Variants in IGSF11 observed in about 807,000 individuals in gnomAD.
The protein encoded by IGSF11 is CXADR like 1.
IGSF11 carries 22 observed loss-of-function variants against 41.0 expected under a neutral mutation model. The ratio of observed to expected loss-of-function variants is 0.54; its 90% confidence interval spans 0.38 to 0.77. IGSF11 has a LOEUF of 0.77. Ranked by LOEUF, IGSF11 falls within the 30% of genes least tolerant of loss-of-function variation. The pLI, the probability that IGSF11 is intolerant of heterozygous loss-of-function variation, is 0.00. For missense variants in IGSF11, 444 were observed against 530.8 expected, an observed-to-expected ratio of 0.84 and a Z score of 1.61; for synonymous variants, 219 against 201.3, an observed-to-expected ratio of 1.09 and a Z score of -0.74.
chr3:119,058,481 C>G (rs1708876068), intron 1 of IGSF11, among the ~76,000 whole-genome samples: 1 of 151,418 alleles, frequency 6.6e-6, no homozygotes, highest in African/African-American at 2.4e-5. Flanking sequence ...ACAACAGGTG[C>G]TGGAGAGGAT....
chr3:119,130,683 T>A (rs765964464), intron 1 of IGSF11, among the ~76,000 whole-genome samples: 214 of 152,294 alleles, frequency 1.4e-3, no homozygotes, highest in Non-Finnish European at 2.5e-3. Context: ...CGTCCCTGTC[T>A]GACAGCTCTG....
chr3:119,034,792 T>G lies in IGSF11; in HGVS notation c.-210A>C. On this transcript the variant is annotated 5_prime_UTR_variant, in exon 1 of 7. Coordinates refer to ENST00000393775, the MANE Select transcript of IGSF11 (RefSeq NM_001015887.3). Reference sequence around the variant, plus strand: ...GCCCGGCTCCGCGGACGCTGAGCTGTGACCAGAGGCGTTCCGGGCTCGCCA... The same window carrying G: ...GCCCGGCTCCGCGGACGCTGAGCTGGGACCAGAGGCGTTCCGGGCTCGCCA... 3 of 1,272,844 alleles carry G rather than the reference T, an allele frequency of 2.4e-6. No homozygotes were observed. Among genetic ancestry groups the G allele is most frequent in the Middle Eastern group, 3.0e-4 (1 of 3,322 alleles). 78.8% of individuals were successfully genotyped at this position (1,272,844 alleles called of 1,614,324 possible). A position where few individuals can be genotyped will look rare whatever the true frequency, so the allele number is the denominator to read the frequency against.
At chr3:119,046,629 AG>A (rs1201514096) in intron 1 of IGSF11, among the ~76,000 whole-genome samples, 13 of 152,148 alleles carry the variant, frequency 8.5e-5, no homozygotes, top group Admixed American at 5.9e-4. Context: ...ATTCAGATTC[AG>A]GAAATACAGA....
chr3:118,991,667 A>G (rs1935803859), intron 1 of IGSF11, among the ~76,000 whole-genome samples: 1 of 152,226 alleles, frequency 6.6e-6, no homozygotes, highest in African/African-American at 2.4e-5. Flanking sequence ...TAAAATGACA[A>G]TGGATATAAG....
intron 1 of IGSF11, among the ~76,000 whole-genome samples, chr3:118,966,046 C>T (rs1945655729): frequency 6.6e-6 from 1 of 150,794 alleles, no homozygotes; most frequent in African/African-American, 2.4e-5. Context: ...TTGTTGTGAA[C>T]AAAACTACAA....
intron 1 of IGSF11, among the ~76,000 whole-genome samples, chr3:119,058,216 C>T (rs912112907): frequency 2.0e-5 from 3 of 151,852 alleles, no homozygotes; most frequent in South Asian, 2.1e-4. Flanking sequence ...ATTTTTGCAA[C>T]CTACTCATCT....
chr3:118,911,071 C>T (rs1213882651), intron 4 of IGSF11, among the ~76,000 whole-genome samples: 1 of 152,148 alleles, frequency 6.6e-6, no homozygotes, highest in African/African-American at 2.4e-5. Flanking sequence ...CCTGCCCCAA[C>T]ACTCAACTCT....
At chr3:119,085,372 T>C (rs1335162845) in intron 1 of IGSF11, among the ~76,000 whole-genome samples, 1 of 152,168 alleles carries the variant, frequency 6.6e-6, no homozygotes, top group Non-Finnish European at 1.5e-5. Context: ...AAAACTTCCA[T>C]AAATGAAGCC....
intron 1 of IGSF11, among the ~76,000 whole-genome samples, chr3:119,097,143 C>T (rs756922362): frequency 2.0e-5 from 3 of 152,044 alleles, no homozygotes; most frequent in Non-Finnish European, 2.9e-5. Context: ...GGCCATGTAA[C>T]GACATTTACA....
intron 1 of IGSF11, among the ~76,000 whole-genome samples, chr3:119,141,418 A>C (rs1404189878): frequency 3.3e-5 from 5 of 151,580 alleles, no homozygotes; most frequent in Non-Finnish European, 1.5e-5. Flanking sequence ...AATAAAGATT[A>C]GAGAGATGTT....
In IGSF11 at chr3:119,115,620, G is replaced by C. The variant is rs79130049; in HGVS notation, c.-13-10415C>G. ...TTATCAGATTTTTTCCTATAGAGTT[G>C]TTTGGGTCCCTTATATAATCTGGTA... is the stretch of plus-strand genomic sequence containing the variant. On this transcript the variant is annotated intron_variant, in intron 1 of 7. Transcript: ENST00000425327. Among the ~76,000 whole-genome samples, 372 of 152,250 alleles carry C rather than the reference G, an allele frequency of 2.4e-3. 1 individual carries two copies. The highest frequency in any genetic ancestry group is 8.6e-3 in the African/African-American group (359 of 41,560).
chr3:119,034,698 G>A lies in IGSF11; in HGVS notation c.-116C>T. 1 of 1,388,156 alleles carries A rather than the reference G, an allele frequency of 7.2e-7. No homozygotes were observed. The highest frequency in any genetic ancestry group is 2.9e-5 in the East Asian group (1 of 34,212). The allele number at this position is 1,388,156 out of a possible 1,614,324, so 86.0% of individuals were successfully genotyped here. ...GCCTGGTCCTCCCACACCCAGCGCC[G>A]GGCCGCTGTTCCCCGCGCAGAGCTG... On this transcript the variant is annotated 5_prime_UTR_variant, in exon 1 of 7. Coordinates refer to ENST00000393775, the MANE Select transcript of IGSF11 (RefSeq NM_001015887.3).
intron 1 of IGSF11, among the ~76,000 whole-genome samples, chr3:119,051,549 T>C (rs1225232220): frequency 6.6e-6 from 1 of 152,172 alleles, no homozygotes; most frequent in Non-Finnish European, 1.5e-5. Context: ...AATACTCGAC[T>C]AACAGCACTA....
At chr3:118,935,424 A>G (rs994308530) in intron 1 of IGSF11, among the ~76,000 whole-genome samples, 7 of 147,004 alleles carry the variant, frequency 4.8e-5, no homozygotes, top group East Asian at 4.0e-4. Context: ...ATACGTATAT[A>G]CATATACGTA....
At chr3:118,960,228 T>C (rs958618805) in intron 1 of IGSF11, among the ~76,000 whole-genome samples, 10 of 152,116 alleles carry the variant, frequency 6.6e-5, no homozygotes, top group Non-Finnish European at 1.3e-4. Flanking sequence ...AAAGAATATA[T>C]ACCAAGAAAA....
At chr3:119,118,410 G>A (rs1436861649) in intron 1 of IGSF11, among the ~76,000 whole-genome samples, 1 of 152,210 alleles carries the variant, frequency 6.6e-6, no homozygotes, top group Non-Finnish European at 1.5e-5. Context: ...GCCACGGCCT[G>A]AGCTCAACTT....
At chr3:119,135,126 C>A (rs942027971) in intron 1 of IGSF11, among the ~76,000 whole-genome samples, 3 of 152,160 alleles carry the variant, frequency 2.0e-5, no homozygotes, top group African/African-American at 7.2e-5. Context: ...AAAACCTAGG[C>A]AATACCGTTC....
At chr3:118,966,618 A>T (rs958786489) in intron 1 of IGSF11, among the ~76,000 whole-genome samples, 1 of 152,196 alleles carries the variant, frequency 6.6e-6, no homozygotes, top group Non-Finnish European at 1.5e-5. Context: ...CTTCAGTGAC[A>T]ATTATAAGGA....
intron 1 of IGSF11, among the ~76,000 whole-genome samples, chr3:119,040,800 T>C (rs796904724): frequency 3.9e-5 from 6 of 152,308 alleles, no homozygotes; most frequent in African/African-American, 1.2e-4. Context: ...TCTGACAGGA[T>C]TGAAATTATT....
Sources: gnomAD v4.1 joint callset for allele counts (sites outside exome capture counted in the v4.1 genomes callset) on GRCh38, gnomAD v4.1.1 for gene constraint, MANE v1.5 for transcripts, NCBI Gene and HGNC (gene_info 2026-07-23, HGNC 2026-07-21) for gene names.